Variants in INPP5A observed in about 807,000 individuals in gnomAD.
The protein encoded by INPP5A is 43 kDa inositol polyphosphate 5-phophatase.
In INPP5A, 14 loss-of-function variants were observed where a neutral mutation model predicts 65.2. The ratio of observed to expected loss-of-function variants is 0.21; its 90% CI spans 0.14 to 0.34. INPP5A has a LOEUF of 0.34. Ranked by LOEUF, INPP5A falls within the 10% of genes least tolerant of loss-of-function variation. The pLI, the probability that INPP5A is intolerant of heterozygous loss-of-function variation, is 1.00. For synonymous variants in INPP5A, 207 were observed against 208.3 expected, an observed-to-expected ratio of 0.99 and a Z score of 0.05; for missense variants, 431 against 545.6, an observed-to-expected ratio of 0.79 and a Z score of 2.09.
chr10:132,577,109 T>C (rs1234769910), intron 1 of INPP5A, among the ~76,000 whole-genome samples: 1 of 152,024 alleles, frequency 6.6e-6, no homozygotes, highest in Non-Finnish European at 1.5e-5. Flanking sequence ...CTCAGCAGAA[T>C]GAAGGGGCCA....
Position 132,749,013 on chromosome 10 carries a change from A to G in INPP5A, c.733-504A>G, listed in dbSNP as rs560613979. Among the ~76,000 whole-genome samples the G allele has an allele frequency of 2.0e-5, 3 of 152,292 alleles. No individual in the cohort carries two copies. The East Asian group carries it at 5.8e-4, about 29-fold the overall frequency. On this transcript the variant is annotated intron_variant, in intron 9 of 15. Transcript: ENST00000368594. The stretch of plus-strand genomic sequence containing the variant: ...GTTAACACCACAAAGCAGGCGTGTG[A>G]CCTCAGCCATCCCTCCCACGTCAGC...
intron 2 of INPP5A, among the ~76,000 whole-genome samples, chr10:132,619,618 C>T (rs995719080): frequency 3.3e-5 from 5 of 152,218 alleles, no homozygotes; most frequent in Non-Finnish European, 7.3e-5. Context: ...CTTGACACTG[C>T]CCCTATAGAG....
intron 1 of INPP5A, among the ~76,000 whole-genome samples, chr10:132,540,579 C>T (rs1015602712): frequency 2.0e-5 from 3 of 152,246 alleles, no homozygotes; most frequent in African/African-American, 7.2e-5. Context: ...CCCAGGCCCC[C>T]TTCCTTGGTT....
At chr10:132,703,569 G>A (rs571803855) in intron 6 of INPP5A, among the ~76,000 whole-genome samples, 2 of 132,908 alleles carry the variant, frequency 1.5e-5, no homozygotes, top group Non-Finnish European at 1.6e-5. Context: ...ACACACACAC[G>A]TGGCTTCACC....
chr10:132,740,978 C>A (rs12771651), intron 9 of INPP5A, among the ~76,000 whole-genome samples: 25,176 of 152,146 alleles, frequency 0.17, 2,539 homozygotes, highest in Non-Finnish European at 0.23. Flanking sequence ...CCTGCCTTCC[C>A]AGCACTGTGG....
At chr10:132,669,969 T>G (rs1356435713) in intron 4 of INPP5A, among the ~76,000 whole-genome samples, 1 of 150,640 alleles carries the variant, frequency 6.6e-6, no homozygotes, top group Non-Finnish European at 1.5e-5. Flanking sequence ...TATCTTCTCT[T>G]GGGTCCCCAG....
At chr10:132,609,792 C>T (rs894101365) in intron 2 of INPP5A, among the ~76,000 whole-genome samples, 9 of 151,976 alleles carry the variant, frequency 5.9e-5, no homozygotes, top group Admixed American at 5.9e-4. Context: ...TTACAGGCAC[C>T]CGCCACCATG....
At chr10:132,624,483 G>A (rs1224706296) in intron 2 of INPP5A, among the ~76,000 whole-genome samples, 7 of 152,134 alleles carry the variant, frequency 4.6e-5, no homozygotes, top group South Asian at 2.1e-4. Context: ...TCCCACCGGC[G>A]TGTCTGCACT....
intron 2 of INPP5A, among the ~76,000 whole-genome samples, chr10:132,626,730 C>T (rs2072188735): frequency 6.6e-6 from 1 of 152,214 alleles, no homozygotes; most frequent in Non-Finnish European, 1.5e-5. Context: ...GTGGAATGCA[C>T]ACGTTAGCAG....
In INPP5A at chr10:132,659,027, GC is replaced by G. The variant is rs1280337722; in HGVS notation, c.306+8523del. On this transcript the variant is annotated intron_variant, in intron 4 of 15. Coordinates refer to ENST00000368594, the MANE Select transcript of INPP5A (RefSeq NM_005539.5). The surrounding 1 kb of genome is among the most constrained non-coding windows in gnomAD (Gnocchi z 5.5). ...GAGTCAGCTGCCGTCCACAGTGGAA[GC>G]TGCCAGCCACCAAGGCTACCGACCT... Among the ~76,000 whole-genome samples the G allele has an allele frequency of 6.6e-6, 1 of 152,184 alleles. No homozygotes were observed. Among genetic ancestry groups the G allele is most frequent in the East Asian group, 1.9e-4 (1 of 5,188 alleles).
At position 132,705,611 on chromosome 10, in the gene INPP5A, G is replaced by A. The variant is rs1263800389; in HGVS notation, c.475-2702G>A. Among the ~76,000 whole-genome samples the A allele has an allele frequency of 1.3e-5, 2 of 152,226 alleles. No individual in the cohort carries two copies. The highest frequency in any genetic ancestry group is 4.8e-5 in the African/African-American group (2 of 41,452). On this transcript the variant is annotated intron_variant, in intron 6 of 15. Coordinates refer to ENST00000368594, the MANE Select transcript of INPP5A (RefSeq NM_005539.5). The surrounding 1 kb of genome is among the most constrained non-coding windows in gnomAD (Gnocchi z 4.9). ...CTGTACCTTATGCTCAATTCTTCTG[G>A]AAGCCTAAAGCTGCTCTGAAAAATA...
intron 12 of INPP5A, among the ~76,000 whole-genome samples, chr10:132,770,950 C>T (rs942832868): frequency 1.3e-5 from 2 of 152,164 alleles, no homozygotes; most frequent in Non-Finnish European, 1.5e-5. Context: ...GGGAGGAATA[C>T]GTTTTCCAAC....
chr10:132,627,940 C>A lies in INPP5A; in HGVS notation c.118-17928C>A, dbSNP rs76301846. ...GGAGAGAAACTGGAGATAAGGGACGCGAATCTGACTCGGTGACTTTGTTGT... is the reference window on the plus strand; with the variant it reads ...GGAGAGAAACTGGAGATAAGGGACGAGAATCTGACTCGGTGACTTTGTTGT... On this transcript the variant is annotated intron_variant, in intron 2 of 15. Coordinates refer to ENST00000368594, the MANE Select transcript of INPP5A (RefSeq NM_005539.5). The surrounding 1 kb of genome is among the most constrained non-coding windows in gnomAD (Gnocchi z 6.6). Among the ~76,000 whole-genome samples the A allele has an allele frequency of 6.6e-6, 1 of 151,988 alleles. No individual in the cohort carries two copies. Among genetic ancestry groups the A allele is most frequent in the Non-Finnish European group, 1.5e-5 (1 of 67,986 alleles).
chr10:132,777,614 T>A (rs1847085584), intron 12 of INPP5A, 57 bp from the exon 13 acceptor site: 1 of 1,516,740 alleles, frequency 6.6e-7, no homozygotes, highest in East Asian at 2.3e-5. Context: ...GCCGTCCCTT[T>A]GGGGCTGAGG....
chr10:132,541,824 C>T (rs574020628), intron 1 of INPP5A, among the ~76,000 whole-genome samples: 2 of 152,348 alleles, frequency 1.3e-5, no homozygotes, highest in East Asian at 1.9e-4. Flanking sequence ...CATGGGCACC[C>T]CTGTCTCTGG....
chr10:132,777,996 G>A (rs1263618904), intron 13 of INPP5A: 26 of 1,325,154 alleles, frequency 2.0e-5, no homozygotes, highest in Admixed American at 2.9e-5. Flanking sequence ...AGATGGAGCC[G>A]AGTTCCTGGG....
At chr10:132,764,322 G>A (rs929713324) in intron 11 of INPP5A, among the ~76,000 whole-genome samples, 3 of 152,266 alleles carry the variant, frequency 2.0e-5, no homozygotes, top group Admixed American at 6.5e-5. Context: ...CTAATGAATA[G>A]CACCAGAGAG....
At chr10:132,625,878 T>TTG (rs148490708) in intron 2 of INPP5A, among the ~76,000 whole-genome samples, 1 of 78,912 alleles carries the variant, frequency 1.3e-5, no homozygotes, top group Non-Finnish European at 2.6e-5. Context: ...GTGTGTGTGT[T>TTG]TGTGTGTGTG....
intron 8 of INPP5A, among the ~76,000 whole-genome samples, chr10:132,724,091 C>A (rs541560848): frequency 6.6e-6 from 1 of 152,080 alleles, no homozygotes; most frequent in Non-Finnish European, 1.5e-5. Flanking sequence ...ATAGCTGGGA[C>A]CATTTTTGAA....
Sources: allele counts gnomAD v4.1 joint callset (sites outside exome capture counted in the v4.1 genomes callset), GRCh38; gene constraint gnomAD v4.1.1; non-coding constraint Gnocchi (gnomAD v3.1); transcripts MANE v1.5; gene names NCBI Gene and HGNC (gene_info 2026-07-23, HGNC 2026-07-21).